The following B3GLCT variants were observed in gnomAD, a reference collection of about 807,000 sequenced individuals.
B3GLCT encodes beta 3-glucosyltransferase.
Under a neutral mutation model 63.4 loss-of-function variants are expected in B3GLCT, and 65 were observed. The ratio of observed to expected loss-of-function variants is 1.03; its 90% CI spans 0.84 to 1.26. The LOEUF is 1.26. Ranked by LOEUF, B3GLCT falls within the 50% of genes most tolerant of loss-of-function variation. The pLI, the probability that B3GLCT is intolerant of heterozygous loss-of-function variation, is 0.00. For missense variants in B3GLCT, 577 were observed against 604.8 expected (o/e 0.95, Z 0.48); for synonymous variants, 233 against 219.2 (o/e 1.06, Z -0.55).
chr13:31,200,444 C>A (rs1448581902), intron 1 of B3GLCT, among the ~76,000 whole-genome samples: 1 of 150,104 alleles, frequency 6.7e-6, no homozygotes, highest in Non-Finnish European at 1.5e-5. Flanking sequence ...CCTCTGCCGC[C>A]CCGAACCGGC....
chr13:31,258,119 T>C (rs1272570068), intron 6 of B3GLCT, among the ~76,000 whole-genome samples: 1 of 152,194 alleles, frequency 6.6e-6, no homozygotes, highest in Non-Finnish European at 1.5e-5. Flanking sequence ...TCAGGTCACA[T>C]TTGAACAGAG....
intron 12 of B3GLCT, among the ~76,000 whole-genome samples, chr13:31,297,375 G>GTTT (rs35163232): frequency 3.1e-5 from 4 of 127,772 alleles, no homozygotes; most frequent in Non-Finnish European, 3.4e-5. Context: ...TATTTTCTGG[G>GTTT]TTTTTTTTTT....
intron 8 of B3GLCT, among the ~76,000 whole-genome samples, chr13:31,270,662 C>T (rs999986037): frequency 6.6e-6 from 1 of 152,214 alleles, no homozygotes; most frequent in Non-Finnish European, 1.5e-5. Flanking sequence ...GGCCTCCTTC[C>T]GTCTCCCCAC....
At chr13:31,266,796 A>C (rs1212178784) in intron 7 of B3GLCT, among the ~76,000 whole-genome samples, 3 of 151,990 alleles carry the variant, frequency 2.0e-5, no homozygotes, top group Non-Finnish European at 4.4e-5. Context: ...TTTGAGATGG[A>C]GTCTTGTTCT....
At chr13:31,295,064 C>A (rs571407958) in intron 12 of B3GLCT, among the ~76,000 whole-genome samples, 70 of 152,102 alleles carry the variant, frequency 4.6e-4, no homozygotes, top group African/African-American at 1.5e-3. Context: ...TTCTAACAGT[C>A]AGGCCTCTCT....
At chr13:31,213,018 T>TTG (rs547776947) in intron 1 of B3GLCT, among the ~76,000 whole-genome samples, 2,351 of 140,714 alleles carry the variant, frequency 0.017, 60 homozygotes, top group African/African-American at 0.052. Context: ...TGATTGGGCT[T>TTG]TGTGTGTGTG....
chr13:31,220,452 A>G (rs896319948), intron 2 of B3GLCT, among the ~76,000 whole-genome samples: 2 of 152,214 alleles, frequency 1.3e-5, no homozygotes, highest in Non-Finnish European at 2.9e-5. Flanking sequence ...CAGTGAGCAC[A>G]TTTTGATTGA....
At chr13:31,221,615 G>A (rs993571670) in intron 2 of B3GLCT, among the ~76,000 whole-genome samples, 2 of 152,172 alleles carry the variant, frequency 1.3e-5, no homozygotes, top group African/African-American at 4.8e-5. Context: ...GATAATTTCA[G>A]AATATGCCAC....
chr13:31,241,617 A>T (rs1007882326), intron 4 of B3GLCT, among the ~76,000 whole-genome samples: 1 of 152,200 alleles, frequency 6.6e-6, no homozygotes, highest in African/African-American at 2.4e-5. Flanking sequence ...CAGTACAAAC[A>T]TGGCCCCCTG....
chr13:31,200,363 G>A (rs1593239080), intron 1 of B3GLCT, among the ~76,000 whole-genome samples: 1 of 149,392 alleles, frequency 6.7e-6, no homozygotes, highest in Non-Finnish European at 1.5e-5. Context: ...CGGGACCCGA[G>A]GCGTGCCCGC....
At chr13:31,297,277 A>G (rs1254585017) in intron 12 of B3GLCT, among the ~76,000 whole-genome samples, 1 of 151,762 alleles carries the variant, frequency 6.6e-6, no homozygotes, top group Non-Finnish European at 1.5e-5. Context: ...GAACCATCAC[A>G]CTGTTTTCCC....
rs1873349972 is a variant in B3GLCT, at chr13:31,286,703, T to C, written c.965-17T>C. 1 of 1,515,440 alleles carries C rather than the reference T, an allele frequency of 6.6e-7. No individual in the cohort carries two copies. The highest frequency in any genetic ancestry group is 9.2e-7 in the Non-Finnish European group (1 of 1,090,966). The allele number at this position is 1,515,440 out of a possible 1,614,324, so 93.9% of individuals were successfully genotyped here. A position where few individuals can be genotyped will look rare whatever the true frequency, so the allele number is the denominator to read the frequency against. On this transcript the variant is annotated splice_polypyrimidine_tract_variant and intron_variant, in intron 11 of 14. Coordinates refer to ENST00000343307, the MANE Select transcript of B3GLCT (RefSeq NM_194318.4). ...TAAGAAATAATACATTGTAAGTTTT[T>C]TTCTTGCCTTTTCTAGGTCATTGTG...
chr13:31,276,912 A>T (rs1235447978), intron 10 of B3GLCT, 141 bp downstream of exon 10: 1 of 710,702 alleles, frequency 1.4e-6, no homozygotes, highest in East Asian at 2.7e-5. Context: ...TTATTTAATC[A>T]ATACTCCTCA....
intron 2 of B3GLCT, among the ~76,000 whole-genome samples, chr13:31,217,741 A>T (rs915843404): frequency 1.3e-5 from 2 of 152,154 alleles, no homozygotes; most frequent in African/African-American, 4.8e-5. Flanking sequence ...AGATGGTTGT[A>T]GGTGTGTGGC....
At chr13:31,322,923 A>G (rs1197497925) in intron 13 of B3GLCT, among the ~76,000 whole-genome samples, 2 of 152,202 alleles carry the variant, frequency 1.3e-5, no homozygotes, top group Non-Finnish European at 2.9e-5. Context: ...GGGAGGTTTC[A>G]CTGTGGACAG....
intron 12 of B3GLCT, among the ~76,000 whole-genome samples, chr13:31,299,518 T>C (rs536711132): frequency 1.1e-4 from 17 of 152,202 alleles, no homozygotes; most frequent in Non-Finnish European, 2.2e-4. Context: ...AGTCTCTGTA[T>C]TGCCAGCTTT....
At chr13:31,320,825 G>A (rs561091185) in intron 13 of B3GLCT, among the ~76,000 whole-genome samples, 89 of 152,096 alleles carry the variant, frequency 5.9e-4, no homozygotes, top group Admixed American at 3.3e-3. Flanking sequence ...GACATTCGCT[G>A]GTCTCTGCAT....
Position 31,331,967 on chromosome 13 carries a change from A to G in B3GLCT, c.*2299A>G, listed in dbSNP as rs1875949941. The stretch of plus-strand genomic sequence containing the variant: ...AAGCCATTTCTGATGATATAGCCAA[A>G]GCAGGTTGTCTGACTATGTAGGATT... On this transcript the variant is annotated 3_prime_UTR_variant, in exon 15 of 15. Transcript: ENST00000343307. 2.0e-5 allele frequency: 3 copies of G among 152,212 alleles called. 1 individual carries two copies. The highest frequency in any genetic ancestry group is 2.0e-4 in the Admixed American group (3 of 15,280). 9.4% of individuals were successfully genotyped at this position (152,212 alleles called of 1,614,324 possible). A position where few individuals can be genotyped will look rare whatever the true frequency, so the allele number is the denominator to read the frequency against.
intron 12 of B3GLCT, among the ~76,000 whole-genome samples, chr13:31,310,429 G>T (rs1247666541): frequency 6.6e-6 from 1 of 152,168 alleles, no homozygotes; most frequent in African/African-American, 2.4e-5. Context: ...CACTTTCCTG[G>T]CTGGCTCACT....
Sources: allele counts gnomAD v4.1 joint callset (sites outside exome capture counted in the v4.1 genomes callset), GRCh38; gene constraint gnomAD v4.1.1; transcripts MANE v1.5; gene names NCBI Gene and HGNC (gene_info 2026-07-23, HGNC 2026-07-21).